Variants in HECW1 observed in about 807,000 individuals in gnomAD.
HECW1 encodes E3 ubiquitin-protein ligase HECW1.
A neutral mutation model predicts 182.3 loss-of-function variants in HECW1; 61 were observed. The observed-to-expected ratio is 0.33, with a 90% confidence interval of 0.27 to 0.41. The LOEUF (loss-of-function observed/expected upper bound fraction) is 0.41, where lower values mean the gene tolerates loss of function less well. Ranked by LOEUF, HECW1 falls within the 10% of genes least tolerant of loss-of-function variation. The pLI, the probability that HECW1 is intolerant of heterozygous loss-of-function variation, is 1.00. For missense variants in HECW1, 1,739 were observed against 2,108.9 expected (o/e 0.82, Z 3.44); for synonymous variants, 859 against 832.6 (o/e 1.03, Z -0.55).
intron 3 of HECW1, among the ~76,000 whole-genome samples, chr7:43,284,073 C>A (rs1334852302): frequency 6.6e-6 from 1 of 152,070 alleles, no homozygotes; most frequent in Non-Finnish European, 1.5e-5. Context: ...GCAGGGCTCT[C>A]CTGTGTTTGA....
At chr7:43,463,238 G>C (rs28680596) in intron 13 of HECW1, among the ~76,000 whole-genome samples, 2 of 152,076 alleles carry the variant, frequency 1.3e-5, no homozygotes, top group African/African-American at 4.8e-5. Flanking sequence ...TCAATTACCC[G>C]ACAAATAAAA....
chr7:43,487,141 A>AT (rs932372753), intron 17 of HECW1, among the ~76,000 whole-genome samples: 17 of 151,554 alleles, frequency 1.1e-4, no homozygotes, highest in Admixed American at 2.6e-4. Flanking sequence ...AACTTGCTAC[A>AT]TTTTTTTTTA....
At chr7:43,316,211 G>A (rs1809221883) in intron 4 of HECW1, among the ~76,000 whole-genome samples, 1 of 152,050 alleles carries the variant, frequency 6.6e-6, no homozygotes. Flanking sequence ...GCAGGTGGTA[G>A]GATTCTACAC....
chr7:43,536,543 C>T (rs2081184798), intron 24 of HECW1, among the ~76,000 whole-genome samples: 1 of 152,232 alleles, frequency 6.6e-6, no homozygotes, highest in African/African-American at 2.4e-5. Context: ...TGAGGTCTCT[C>T]TTGTGAAGAG....
At chr7:43,429,008 TATATA>T (rs929627818) in intron 8 of HECW1, among the ~76,000 whole-genome samples, 1 of 150,652 alleles carries the variant, frequency 6.6e-6, no homozygotes, top group African/African-American at 2.4e-5. Context: ...AATATACAAA[TATATA>T]ATATACAAAT....
At chr7:43,273,663 C>G (rs1802704709) in intron 3 of HECW1, among the ~76,000 whole-genome samples, 2 of 151,582 alleles carry the variant, frequency 1.3e-5, no homozygotes, top group Non-Finnish European at 2.9e-5. Flanking sequence ...TCTTTTAAGC[C>G]TAAAATAACA....
At chr7:43,374,799 A>C (rs10951728) in intron 6 of HECW1, among the ~76,000 whole-genome samples, 23,068 of 53,730 alleles carry the variant, frequency 0.43, 7,365 homozygotes, top group Non-Finnish European at 0.51. Flanking sequence ...AAAAAAAAAA[A>C]ATAGAGAAAT....
intron 2 of HECW1, among the ~76,000 whole-genome samples, chr7:43,115,736 ATTTGT>A (rs934360981): frequency 3.3e-5 from 5 of 152,192 alleles, no homozygotes; most frequent in African/African-American, 1.2e-4. Context: ...TTGTGCACTC[ATTTGT>A]TTTAAGTTAC....
At chr7:43,513,143 C>T (rs2079961498) in intron 24 of HECW1, among the ~76,000 whole-genome samples, 1 of 152,170 alleles carries the variant, frequency 6.6e-6, no homozygotes, top group Non-Finnish European at 1.5e-5. Context: ...CTTCCTTCTA[C>T]CAGGGTTAAG....
intron 9 of HECW1, among the ~76,000 whole-genome samples, chr7:43,441,988 T>C (rs1165736874): frequency 6.6e-6 from 1 of 152,180 alleles, no homozygotes; most frequent in African/African-American, 2.4e-5. Flanking sequence ...ACATCGAATT[T>C]TGAATTTTGA....
chr7:43,543,781 CAAAAAAAAAA>C (rs35618213), intron 26 of HECW1, among the ~76,000 whole-genome samples: 2 of 49,606 alleles, frequency 4.0e-5, no homozygotes, highest in Non-Finnish European at 8.9e-5. Context: ...CTCCATCTCA[CAAAAAAAAAA>C]AAAAAAAGAA....
At chr7:43,230,142 C>T (rs190917648) in intron 2 of HECW1, among the ~76,000 whole-genome samples, 1 of 152,250 alleles carries the variant, frequency 6.6e-6, no homozygotes, top group Non-Finnish European at 1.5e-5. Flanking sequence ...CCTGTAATCC[C>T]AGCACTTGGG....
intron 2 of HECW1, among the ~76,000 whole-genome samples, chr7:43,130,985 G>A (rs894674362): frequency 1.3e-5 from 2 of 152,032 alleles, no homozygotes; most frequent in African/African-American, 4.8e-5. Flanking sequence ...ATTTTATTTG[G>A]CTGAGCATGG....
At chr7:43,281,523 C>A (rs1445438301) in intron 3 of HECW1, among the ~76,000 whole-genome samples, 1 of 152,052 alleles carries the variant, frequency 6.6e-6, no homozygotes, top group East Asian at 1.9e-4. Context: ...GAGTTTAAAC[C>A]CAGACCTGAC....
At chr7:43,206,586 A>G (rs541154886) in intron 2 of HECW1, among the ~76,000 whole-genome samples, 1 of 152,264 alleles carries the variant, frequency 6.6e-6, no homozygotes, top group East Asian at 1.9e-4. Context: ...GAAGCTCATT[A>G]ATCTCTGTAT....
intron 5 of HECW1, among the ~76,000 whole-genome samples, chr7:43,334,443 G>A (rs1011358919): frequency 3.3e-5 from 5 of 152,144 alleles, no homozygotes; most frequent in African/African-American, 1.2e-4. Flanking sequence ...AAATTCTAGA[G>A]TCAATATGGT....
intron 8 of HECW1, among the ~76,000 whole-genome samples, chr7:43,430,813 G>A (rs79020365): frequency 0.44 from 47,504 of 107,758 alleles, 8,273 homozygotes; most frequent in Middle Eastern, 0.55. Flanking sequence ...ATGGAGTCTC[G>A]CTCTGTCCCC....
At chr7:43,559,495 C>T (rs984545684) in intron 29 of HECW1, among the ~76,000 whole-genome samples, 2 of 152,260 alleles carry the variant, frequency 1.3e-5, no homozygotes, top group South Asian at 2.1e-4. Context: ...GGTTACAAAA[C>T]GCATTTATGT....
At chr7:43,399,903 G>A (rs1433727520) in intron 7 of HECW1, among the ~76,000 whole-genome samples, 1 of 152,186 alleles carries the variant, frequency 6.6e-6, no homozygotes, top group African/African-American at 2.4e-5. Flanking sequence ...CACTATGTCT[G>A]CCTAGGACAA....
Sources: allele counts gnomAD v4.1 joint callset (sites outside exome capture counted in the v4.1 genomes callset), GRCh38; gene constraint gnomAD v4.1.1; transcripts MANE v1.5; gene names NCBI Gene and HGNC (gene_info 2026-07-23, HGNC 2026-07-21).